The following TMEFF2 variants were observed in gnomAD, a reference collection of about 807,000 sequenced individuals.
The protein encoded by TMEFF2 is tomoregulin-2.
TMEFF2 carries 28 observed loss-of-function variants against 53.8 expected under a neutral mutation model. The ratio of observed to expected loss-of-function variants is 0.52; its 90% confidence interval spans 0.39 to 0.71. The LOEUF is 0.71. Among genes scored for constraint, TMEFF2 ranks in the 30% least tolerant of loss-of-function variants. The probability of loss-of-function intolerance (pLI) is 0.00; values close to 1 mark genes in which losing one functional copy is unlikely to be tolerated. For missense variants in TMEFF2, 353 were observed against 455.2 expected (o/e 0.78, Z 2.04); for synonymous variants, 162 against 166.3 (o/e 0.97, Z 0.20).
intron 4 of TMEFF2, among the ~76,000 whole-genome samples, chr2:192,063,327 C>T (rs1205247848): frequency 6.6e-6 from 1 of 151,874 alleles, no homozygotes; most frequent in East Asian, 1.9e-4. Flanking sequence ...GTGTTTTTAA[C>T]TTCCAAATCT....
chr2:191,969,166 TAG>T (rs141807627), intron 7 of TMEFF2, among the ~76,000 whole-genome samples: 98,841 of 149,784 alleles, frequency 0.66, 33,167 homozygotes, highest in East Asian at 0.89. Context: ...TATATATATA[TAG>T]AGAGAGAGAG....
chr2:192,161,971 C>T (rs1574425370), intron 4 of TMEFF2, among the ~76,000 whole-genome samples: 1 of 152,096 alleles, frequency 6.6e-6, no homozygotes, highest in African/African-American at 2.4e-5. Context: ...TTACAGAGAG[C>T]GTTTTGAAGG....
chr2:192,037,625 AG>A (rs1471859139), intron 5 of TMEFF2, among the ~76,000 whole-genome samples: 1 of 80,902 alleles, frequency 1.2e-5, no homozygotes, highest in Non-Finnish European at 2.7e-5. Flanking sequence ...AAAGAGAGAG[AG>A]GAGAGAAAGA....
At chr2:191,968,601 C>T (rs147054916) in intron 7 of TMEFF2, among the ~76,000 whole-genome samples, 148 of 152,064 alleles carry the variant, frequency 9.7e-4, no homozygotes, top group African/African-American at 3.2e-3. Flanking sequence ...GCAGAATTCA[C>T]GGGAAAAAGG....
chr2:191,982,717 A>G (rs1037285111), intron 7 of TMEFF2, among the ~76,000 whole-genome samples: 3 of 152,162 alleles, frequency 2.0e-5, no homozygotes, highest in Admixed American at 6.6e-5. Flanking sequence ...ATATTTTTCT[A>G]TCAAAATTTC....
At chr2:192,077,661 T>G (rs1688463069) in intron 4 of TMEFF2, among the ~76,000 whole-genome samples, 2 of 152,166 alleles carry the variant, frequency 1.3e-5, no homozygotes, top group Admixed American at 1.3e-4. Flanking sequence ...GAATGTCAAT[T>G]ATATAATAAT....
intron 5 of TMEFF2, among the ~76,000 whole-genome samples, chr2:192,052,941 C>T (rs777197931): frequency 1.3e-5 from 2 of 152,188 alleles, no homozygotes; most frequent in African/African-American, 4.8e-5. Flanking sequence ...TCCTTTCCTA[C>T]ATTTAAGTTA....
chr2:192,171,269 G>C (rs1690905929), intron 4 of TMEFF2, among the ~76,000 whole-genome samples: 1 of 152,056 alleles, frequency 6.6e-6, no homozygotes, highest in African/African-American at 2.4e-5. Flanking sequence ...CAGATGAGTA[G>C]CAGAGTGAAT....
chr2:192,021,643 CTAAG>C (rs901814113), intron 5 of TMEFF2, among the ~76,000 whole-genome samples: 1 of 152,134 alleles, frequency 6.6e-6, no homozygotes, highest in Non-Finnish European at 1.5e-5. Context: ...TGTGCCATAA[CTAAG>C]TGACAAGACG....
chr2:192,171,565 A>C (rs1439523075), intron 4 of TMEFF2, among the ~76,000 whole-genome samples: 2 of 151,872 alleles, frequency 1.3e-5, no homozygotes, highest in South Asian at 4.1e-4. Flanking sequence ...CTTTTTCCAC[A>C]TCTTCAACCA....
chr2:192,191,147 T>G (rs1330586732), intron 2 of TMEFF2, among the ~76,000 whole-genome samples: 1 of 152,176 alleles, frequency 6.6e-6, no homozygotes, highest in South Asian at 2.1e-4. Context: ...ACTATACTAA[T>G]GACACTAAAA....
At chr2:192,089,764 T>C (rs1471113482) in intron 4 of TMEFF2, among the ~76,000 whole-genome samples, 1 of 152,184 alleles carries the variant, frequency 6.6e-6, no homozygotes, top group African/African-American at 2.4e-5. Flanking sequence ...TGTTTTCTCA[T>C]CTGTAAAATG....
intron 4 of TMEFF2, among the ~76,000 whole-genome samples, chr2:192,173,953 G>T (rs557129322): frequency 1.3e-5 from 2 of 151,788 alleles, no homozygotes; most frequent in South Asian, 4.1e-4. Context: ...ATTTCATTTT[G>T]AATTTTTTGG....
At chr2:192,112,442 G>A (rs1689304156) in intron 4 of TMEFF2, among the ~76,000 whole-genome samples, 1 of 152,114 alleles carries the variant, frequency 6.6e-6, no homozygotes, top group Admixed American at 6.6e-5. Flanking sequence ...CTCCCATTTG[G>A]AATGGCTGTA....
intron 7 of TMEFF2, among the ~76,000 whole-genome samples, chr2:191,980,873 C>G (rs1268597670): frequency 6.6e-6 from 1 of 152,074 alleles, no homozygotes; most frequent in African/African-American, 2.4e-5. Context: ...CGTATTTTTC[C>G]TGACTTTCCA....
chr2:192,009,732 G>A (rs1328205335), intron 5 of TMEFF2, among the ~76,000 whole-genome samples: 5 of 151,926 alleles, frequency 3.3e-5, no homozygotes, highest in African/African-American at 4.8e-5. Flanking sequence ...AAGAGAAGAC[G>A]GGAAATATGA....
At chr2:191,991,275 G>A (rs1686098557) in intron 7 of TMEFF2, among the ~76,000 whole-genome samples, 1 of 152,062 alleles carries the variant, frequency 6.6e-6, no homozygotes, top group Non-Finnish European at 1.5e-5. Context: ...GAAACTTCTT[G>A]TAATTGTACG....
In TMEFF2 at chr2:192,194,348, C is replaced by T. The variant is rs373482905; in HGVS notation, c.172+5G>A. ...AAGGGTCGGGGACGGGGGTTCTGGA[C>T]TTACCAGAGCAATTCCAGCCGGTGG... On this transcript the variant is annotated splice_donor_5th_base_variant and intron_variant, in intron 1 of 9. Coordinates refer to ENST00000272771, the MANE Select transcript of TMEFF2 (RefSeq NM_016192.4). This position sits in a 1 kb window ranked among gnomAD's most constrained non-coding sequence, Gnocchi z 4.2. The T allele has an allele frequency of 1.9e-6, 3 of 1,613,970 alleles. No individual in the cohort carries two copies. Among genetic ancestry groups the T allele is most frequent in the Non-Finnish European group, 1.7e-6 (2 of 1,179,902 alleles).
chr2:192,092,755 G>A (rs1356196990), intron 4 of TMEFF2, among the ~76,000 whole-genome samples: 2 of 152,130 alleles, frequency 1.3e-5, no homozygotes, highest in Admixed American at 6.6e-5. Flanking sequence ...AGAAGGTGAT[G>A]TGAAGAAAGG....
Sources: gnomAD v4.1 joint callset for allele counts (sites outside exome capture counted in the v4.1 genomes callset) on GRCh38, gnomAD v4.1.1 for gene constraint, Gnocchi (gnomAD v3.1) non-coding constraint, MANE v1.5 for transcripts, NCBI Gene and HGNC (gene_info 2026-07-23, HGNC 2026-07-21) for gene names.